Variants in SHISA9 observed in about 807,000 individuals in gnomAD.
SHISA9 encodes shisa family member 9.
A neutral mutation model predicts 38.0 loss-of-function variants in SHISA9; 13 were observed. The observed-to-expected ratio is 0.34, with a 90% CI of 0.22 to 0.54. SHISA9 has a LOEUF of 0.54. SHISA9 is among the 20% of genes least tolerant of loss of function. The probability of loss-of-function intolerance (pLI) is 0.91; values close to 1 mark genes in which losing one functional copy is unlikely to be tolerated. For missense variants in SHISA9, 538 were observed against 575.8 expected (o/e 0.93, Z 0.67); for synonymous variants, 275 against 242.0 (o/e 1.14, Z -1.27).
At chr16:13,458,308 A>C in the SHISA9 span, 1 of 260,696 alleles carries the variant, frequency 3.8e-6, no homozygotes, top group Admixed American at 5.7e-5. Flanking sequence ...GGAGATCATA[A>C]AAATTATTGA....
intron 2 of SHISA9, among the ~76,000 whole-genome samples, chr16:13,134,504 A>G (rs2050331573): frequency 6.6e-6 from 1 of 152,052 alleles, no homozygotes; most frequent in Non-Finnish European, 1.5e-5. Flanking sequence ...ATTTTCACAG[A>G]GTAGAGAATA....
At chr16:12,970,497 A>ATATATATT (rs2072065619) in intron 2 of SHISA9, among the ~76,000 whole-genome samples, 1 of 17,596 alleles carries the variant, frequency 5.7e-5, no homozygotes, top group Non-Finnish European at 9.2e-5. Context: ...ATATATATAT[A>ATATATATT]TTTTTTTTTT....
intron 4 of SHISA9, among the ~76,000 whole-genome samples, chr16:13,213,825 C>T (rs2051142830): frequency 6.6e-6 from 1 of 152,176 alleles, no homozygotes; most frequent in Non-Finnish European, 1.5e-5. Flanking sequence ...TGAGTTAACC[C>T]AGCTGGGTGA....
At chr16:13,240,774 A>G (rs907899679), downstream of SHISA9, among the ~76,000 whole-genome samples, 2 of 152,196 alleles carry the variant, frequency 1.3e-5, no homozygotes, top group East Asian at 1.9e-4. Context: ...AGAAGACACA[A>G]ATATTGAAAG....
intron 3 of SHISA9, 70 bp from the exon 4 acceptor site, chr16:13,213,183 T>C (rs1596737347): frequency 5.8e-6 from 8 of 1,386,610 alleles, no homozygotes; most frequent in Non-Finnish European, 8.0e-6. Flanking sequence ...AGCACCTGGG[T>C]GTGAGGGCAT....
At chr16:13,520,372 G>T in the SHISA9 span, among the ~76,000 whole-genome samples, 1 of 151,948 alleles carries the variant, frequency 6.6e-6, no homozygotes, top group African/African-American at 2.4e-5. Flanking sequence ...GGCCAAGGCG[G>T]GCAGATCACG....
At chr16:13,544,435 T>TTTG in the SHISA9 span, among the ~76,000 whole-genome samples, 2 of 144,362 alleles carry the variant, frequency 1.4e-5, no homozygotes, top group Admixed American at 6.9e-5. Flanking sequence ...TCTTGTTTTT[T>TTTG]TTTTTTTTTT....
intron 2 of SHISA9, among the ~76,000 whole-genome samples, chr16:13,109,906 C>T (rs538940515): frequency 8.5e-5 from 13 of 152,246 alleles, no homozygotes; most frequent in East Asian, 5.8e-4. Context: ...CACACATTGG[C>T]GAACATTGGA....
chr16:13,240,474 C>A (rs1010350303), downstream of SHISA9: 4 of 152,122 alleles, frequency 2.6e-5, no homozygotes, highest in African/African-American at 9.7e-5. Context: ...TGTGTTTTCA[C>A]CAGGGAACAC....
chr16:12,985,969 G>T (rs2072302616), intron 2 of SHISA9, among the ~76,000 whole-genome samples: 1 of 152,178 alleles, frequency 6.6e-6, no homozygotes, highest in Admixed American at 6.5e-5. Context: ...GCCAGCGGTG[G>T]GGCCGACTTA....
the SHISA9 span, among the ~76,000 whole-genome samples, chr16:13,336,661 T>C: frequency 6.6e-6 from 1 of 152,226 alleles, no homozygotes; most frequent in Non-Finnish European, 1.5e-5. Context: ...GCCATCAATT[T>C]AGCTGTGGAC....
chr16:13,050,216 TTGA>T (rs1394205072), intron 2 of SHISA9, among the ~76,000 whole-genome samples: 1 of 152,226 alleles, frequency 6.6e-6, no homozygotes, highest in Admixed American at 6.5e-5. Flanking sequence ...TATACATCTG[TTGA>T]TGTAGAACAG....
chr16:13,465,716 C>G, the SHISA9 span, among the ~76,000 whole-genome samples: 1 of 152,148 alleles, frequency 6.6e-6, no homozygotes, highest in East Asian at 1.9e-4. Context: ...GGTTCAAGCC[C>G]CAATCTGTCT....
At chr16:13,134,402 G>A (rs896263886) in intron 2 of SHISA9, among the ~76,000 whole-genome samples, 1 of 152,108 alleles carries the variant, frequency 6.6e-6, no homozygotes, top group African/African-American at 2.4e-5. Context: ...AATGTGCAAG[G>A]GACTGGATGG....
intron 2 of SHISA9, among the ~76,000 whole-genome samples, chr16:13,073,637 T>A (rs887079605): frequency 6.6e-6 from 1 of 152,136 alleles, no homozygotes; most frequent in Admixed American, 6.5e-5. Context: ...GGCCATGACC[T>A]TATTTGGACA....
At chr16:13,198,532 ATTG>A (rs757478376) in intron 2 of SHISA9, among the ~76,000 whole-genome samples, 4 of 151,940 alleles carry the variant, frequency 2.6e-5, no homozygotes, top group Non-Finnish European at 4.4e-5. Context: ...CACTCACCCT[ATTG>A]TTCTAGTTTT....
the SHISA9 span, among the ~76,000 whole-genome samples, chr16:13,348,345 G>T: frequency 7.2e-5 from 11 of 151,980 alleles, no homozygotes; most frequent in African/African-American, 2.7e-4. Flanking sequence ...TGAGATTTTG[G>T]AACACCTCAA....
intron 3 of SHISA9, among the ~76,000 whole-genome samples, chr16:13,212,159 G>A (rs1199607461): frequency 1.3e-5 from 2 of 152,150 alleles, no homozygotes; most frequent in Non-Finnish European, 2.9e-5. Flanking sequence ...ACTGTTCCCT[G>A]CGCCTTCACT....
At chr16:13,247,575 T>C in the SHISA9 span, among the ~76,000 whole-genome samples, 3 of 151,018 alleles carry the variant, frequency 2.0e-5, no homozygotes, top group Non-Finnish European at 4.4e-5. Context: ...GTTACTGTGG[T>C]TAAATAAATA....
Sources: gnomAD v4.1 joint callset for allele counts (sites outside exome capture counted in the v4.1 genomes callset) on GRCh38, gnomAD v4.1.1 for gene constraint, MANE v1.5 for transcripts, NCBI Gene and HGNC (gene_info 2026-07-23, HGNC 2026-07-21) for gene names.